Variants in CFAP97D2 observed in about 807,000 individuals in gnomAD.
CFAP97D2 encodes CFAP97 domain containing 2.
chr13:114,201,950 A>C (rs2080919619), intron 3 of CFAP97D2, among the ~76,000 whole-genome samples: 1 of 152,136 alleles, frequency 6.6e-6, no homozygotes, highest in South Asian at 2.1e-4. Context: ...CATATGATAC[A>C]CCCATGACAC....
At chr13:114,194,516 A>G (rs1006792144) in intron 1 of CFAP97D2, among the ~76,000 whole-genome samples, 2 of 152,076 alleles carry the variant, frequency 1.3e-5, no homozygotes, top group Non-Finnish European at 2.9e-5. Flanking sequence ...TGAGTCAAAC[A>G]TGGAAGGGAG....
chr13:114,184,941 A>G (rs895149558), intron 1 of CFAP97D2, among the ~76,000 whole-genome samples: 4 of 152,258 alleles, frequency 2.6e-5, no homozygotes, highest in African/African-American at 9.6e-5. Context: ...TGTGATACAC[A>G]TACACCTGCT....
At chr13:114,197,721 C>T (rs949049277) in intron 2 of CFAP97D2, among the ~76,000 whole-genome samples, 3 of 152,154 alleles carry the variant, frequency 2.0e-5, no homozygotes, top group East Asian at 1.9e-4. Context: ...CTCACTGTGT[C>T]GCCCAGGCTG....
intron 1 of CFAP97D2, among the ~76,000 whole-genome samples, chr13:114,180,913 C>T (rs759457518): frequency 5.3e-5 from 8 of 152,174 alleles, no homozygotes; most frequent in African/African-American, 1.9e-4. Flanking sequence ...TTGAAATTGT[C>T]GTCATGGGAG....
rs1469115919 is a variant in CFAP97D2, at chr13:114,222,423, A to C, written c.481-75A>C. ...ACTTGTCAATGAGTTGAAATATTCCATTTCCCAAGTAAGTTGATAGTTTCT... is the reference window on the plus strand; with the variant it reads ...ACTTGTCAATGAGTTGAAATATTCCCTTTCCCAAGTAAGTTGATAGTTTCT... On this transcript the variant is annotated intron_variant, in intron 4 of 4. Transcript: ENST00000646158. This position sits in a 1 kb window ranked among gnomAD's most constrained non-coding sequence, Gnocchi z 4.4. 1 of 398,320 alleles carries C rather than the reference A, an allele frequency of 2.5e-6. No individual in the cohort carries two copies. Among genetic ancestry groups the C allele is most frequent in the Non-Finnish European group, 4.4e-6 (1 of 226,044 alleles). The allele number at this position is 398,320 out of a possible 1,614,324, so 24.7% of individuals were successfully genotyped here.
At chr13:114,190,549 C>T (rs1197758327) in intron 1 of CFAP97D2, among the ~76,000 whole-genome samples, 1 of 152,000 alleles carries the variant, frequency 6.6e-6, no homozygotes, top group Non-Finnish European at 1.5e-5. Context: ...TATATTAGCA[C>T]CCAAAAAGTG....
rs2081025549 is a variant in CFAP97D2, at chr13:114,222,353, A to C, written c.481-145A>C. 1 of 393,742 alleles carries C rather than the reference A, an allele frequency of 2.5e-6. No homozygotes were observed. Among genetic ancestry groups the C allele is most frequent in the South Asian group, 1.4e-4 (1 of 7,000 alleles). The allele number at this position is 393,742 out of a possible 1,614,324, so 24.4% of individuals were successfully genotyped here. A position where few individuals can be genotyped will look rare whatever the true frequency, so the allele number is the denominator to read the frequency against. ...TAAAGGGGTATAGAATTGTATCTAA[A>C]TAAAGCTGTTATTTTAAAAATTGTA... On this transcript the variant is annotated intron_variant, in intron 4 of 4. Coordinates refer to ENST00000646158, the Ensembl canonical transcript of CFAP97D2. The surrounding 1 kb of genome is among the most constrained non-coding windows in gnomAD (Gnocchi z 4.4).
At chr13:114,206,230 G>A (rs1314747463) in intron 3 of CFAP97D2, among the ~76,000 whole-genome samples, 1 of 151,672 alleles carries the variant, frequency 6.6e-6, no homozygotes, top group Non-Finnish European at 1.5e-5. Flanking sequence ...AGCCTCCCGA[G>A]TAGCTGGGAT....
intron 4 of CFAP97D2, among the ~76,000 whole-genome samples, chr13:114,216,534 T>C (rs191820188): frequency 2.2e-4 from 34 of 151,812 alleles, no homozygotes; most frequent in Non-Finnish European, 4.3e-4. Flanking sequence ...AATAAGAACA[T>C]GCGGTGTTTG....
chr13:114,188,721 G>A (rs2080859131), intron 1 of CFAP97D2, among the ~76,000 whole-genome samples: 1 of 148,310 alleles, frequency 6.7e-6, no homozygotes, highest in Non-Finnish European at 1.5e-5. Context: ...AGCTTGCAGT[G>A]AGCCGAGATT....
intron 1 of CFAP97D2, among the ~76,000 whole-genome samples, chr13:114,182,172 C>T (rs562112709): frequency 0.022 from 2,645 of 122,926 alleles, 273 homozygotes; most frequent in African/African-American, 0.075. Flanking sequence ...CAGCAAAAAA[C>T]GTGAGCAAAA....
At chr13:114,188,230 C>A (rs1017727971) in intron 1 of CFAP97D2, among the ~76,000 whole-genome samples, 1 of 150,548 alleles carries the variant, frequency 6.6e-6, no homozygotes, top group Non-Finnish European at 1.5e-5. Context: ...TATGATCATG[C>A]CACTGCACTC....
chr13:114,215,619 T>C (rs1258300461), intron 4 of CFAP97D2: 1 of 152,228 alleles, frequency 6.6e-6, no homozygotes, highest in Non-Finnish European at 1.5e-5. Flanking sequence ...AATGTTTATT[T>C]TTTCAGTTTA....
At chr13:114,212,048 C>A (rs2080969191) in exon 4 of CFAP97D2, 1 of 398,530 alleles carries the variant, frequency 2.5e-6, no homozygotes, top group Non-Finnish European at 4.4e-6. Flanking sequence ...GCTGAGAAGT[C>A]CCGGGTGCTG....
chr13:114,211,016 A>G lies in CFAP97D2; in HGVS notation c.291-896A>G, dbSNP rs1200274850. Reference sequence around the variant, plus strand: ...ACAGGACAGTGCCTGGCACAGAGGAAGTGCCCAACAAGTCTCCAGAGGGTG... The same window carrying G: ...ACAGGACAGTGCCTGGCACAGAGGAGGTGCCCAACAAGTCTCCAGAGGGTG... On this transcript the variant is annotated intron_variant, in intron 3 of 4. Transcript: ENST00000646158. This position sits in a 1 kb window ranked among gnomAD's most constrained non-coding sequence, Gnocchi z 4.2. Among the ~76,000 whole-genome samples the G allele has an allele frequency of 6.6e-6, 1 of 152,206 alleles. No individual in the cohort carries two copies. The highest frequency in any genetic ancestry group is 1.5e-5 in the Non-Finnish European group (1 of 68,038).
intron 1 of CFAP97D2, among the ~76,000 whole-genome samples, chr13:114,181,927 C>T (rs2080833914): frequency 6.6e-6 from 1 of 152,032 alleles, no homozygotes; most frequent in African/African-American, 2.4e-5. Context: ...GGTGGCCTGC[C>T]CCTCCACACC....
rs2080966968 is a variant in CFAP97D2, at chr13:114,211,678, T to TC, written c.291-231dup. 6.6e-5 allele frequency among the ~76,000 whole-genome samples: 10 copies of TC among 152,064 alleles called. No homozygotes were observed. On this transcript the variant is annotated intron_variant, in intron 3 of 4. Coordinates refer to ENST00000646158, the Ensembl canonical transcript of CFAP97D2. The surrounding 1 kb of genome is among the most constrained non-coding windows in gnomAD (Gnocchi z 4.2). ...ATTGTGCTCACCCTGAAAACGCCCCTCCCGCCGTGCAAAGCGAGCGCGCCG... is the reference window on the plus strand; with the variant it reads ...ATTGTGCTCACCCTGAAAACGCCCCTCCCCGCCGTGCAAAGCGAGCGCGCCG...
intron 1 of CFAP97D2, among the ~76,000 whole-genome samples, chr13:114,182,335 T>TGGGG (rs1594512343): frequency 2.8e-5 from 4 of 144,756 alleles, no homozygotes; most frequent in African/African-American, 1.0e-4. Flanking sequence ...GCCATAGGGC[T>TGGGG]GTTTTTCTCC....
chr13:114,210,853 G>GACACACACACACACACACAC (rs1417622434), intron 3 of CFAP97D2, among the ~76,000 whole-genome samples: 2 of 99,020 alleles, frequency 2.0e-5, no homozygotes, highest in African/African-American at 9.9e-5. Flanking sequence ...ACATTTCATT[G>GACACACACACACACACACAC]ATACACACAC....
Sources: gnomAD v4.1 joint callset for allele counts (sites outside exome capture counted in the v4.1 genomes callset) on GRCh38, gnomAD v4.1.1 for gene constraint, Gnocchi (gnomAD v3.1) non-coding constraint, MANE v1.5 for transcripts, NCBI Gene and HGNC (gene_info 2026-07-23, HGNC 2026-07-21) for gene names.